ITGBL1: variants seen among roughly 807,000 people sequenced by gnomAD.
ITGBL1 encodes the protein integrin subunit beta like 1.
Under a neutral mutation model 68.5 loss-of-function variants are expected in ITGBL1, and 51 were observed. That is an observed-to-expected ratio of 0.74 (90% CI 0.59 to 0.94). The LOEUF (loss-of-function observed/expected upper bound fraction) is 0.94. Among genes scored for constraint, ITGBL1 ranks in the 40% least tolerant of loss-of-function variants. The pLI, the probability that ITGBL1 is intolerant of heterozygous loss-of-function variation, is 0.00. For missense variants in ITGBL1, 649 were observed against 647.4 expected, an observed-to-expected ratio of 1.00 and a Z score of -0.03; for synonymous variants, 209 against 227.3, an observed-to-expected ratio of 0.92 and a Z score of 0.72.
chr13:101,709,740 G>A (rs543856490), intron 9 of ITGBL1, among the ~76,000 whole-genome samples: 1 of 152,308 alleles, frequency 6.6e-6, no homozygotes, highest in East Asian at 1.9e-4. Flanking sequence ...GTGTTTGTGT[G>A]TTTACTACGC....
At chr13:101,644,108 G>A (rs1228607194) in intron 7 of ITGBL1, among the ~76,000 whole-genome samples, 1 of 152,086 alleles carries the variant, frequency 6.6e-6, no homozygotes, top group Non-Finnish European at 1.5e-5. Context: ...ATGCATGCTT[G>A]GCCCTCCCTG....
At chr13:101,575,401 T>C (rs1252541685) in intron 3 of ITGBL1, 23 bp from the exon 4 acceptor site, 4 of 1,605,168 alleles carry the variant, frequency 2.5e-6, no homozygotes, top group African/African-American at 1.3e-5. Flanking sequence ...TAACAAACAG[T>C]CTTTTTTGTT....
rs138649290 is a variant in ITGBL1 at position 101,507,097 on chromosome 13, C to T, written c.316+52997C>T. Among the ~76,000 whole-genome samples, 84 of 152,288 alleles carry T rather than the reference C, an allele frequency of 5.5e-4. 1 individual carries two copies. The East Asian group carries it at 0.013, about 24-fold the overall frequency. On this transcript the variant is annotated intron_variant, in intron 2 of 10. Transcript: ENST00000376180. ...ACATGTAGAGAAGATTCCTTCTCCA[C>T]GCCCCAGTAAAGTCTTCCCACATAA... is the stretch of plus-strand genomic sequence containing the variant.
chr13:101,611,295 C>T (rs2031115073), intron 7 of ITGBL1, among the ~76,000 whole-genome samples: 1 of 152,180 alleles, frequency 6.6e-6, no homozygotes, highest in East Asian at 1.9e-4. Flanking sequence ...TTTTATTTAA[C>T]TGAATTTAGC....
intron 2 of ITGBL1, among the ~76,000 whole-genome samples, chr13:101,480,111 A>T (rs918621171): frequency 6.6e-6 from 1 of 152,064 alleles, no homozygotes; most frequent in Non-Finnish European, 1.5e-5. Flanking sequence ...TGTGGTATCT[A>T]TACACAGTGG....
At chr13:101,583,398 G>A (rs375559795) in intron 6 of ITGBL1, 42 bp downstream of exon 6, 327 of 1,413,942 alleles carry the variant, frequency 2.3e-4, no homozygotes, top group Non-Finnish European at 2.9e-4. Flanking sequence ...AGGGGGAGGT[G>A]GGGCTTGTTA....
intron 7 of ITGBL1, among the ~76,000 whole-genome samples, chr13:101,599,821 G>A (rs2030240483): frequency 6.6e-6 from 1 of 152,174 alleles, no homozygotes; most frequent in Non-Finnish European, 1.5e-5. Flanking sequence ...CCAGTACCAT[G>A]CTGTTTTGGT....
At chr13:101,579,888 C>A (rs2050426044) in intron 5 of ITGBL1, among the ~76,000 whole-genome samples, 1 of 152,058 alleles carries the variant, frequency 6.6e-6, no homozygotes, top group African/African-American at 2.4e-5. Context: ...AATTTAACTT[C>A]CGTGTGCAAT....
At chr13:101,669,262 G>A (rs997373302) in intron 7 of ITGBL1, among the ~76,000 whole-genome samples, 3 of 152,054 alleles carry the variant, frequency 2.0e-5, no homozygotes, top group Non-Finnish European at 2.9e-5. Context: ...TGCAAAGAAG[G>A]TTATGAGGAA....
intron 2 of ITGBL1, among the ~76,000 whole-genome samples, chr13:101,520,407 C>T (rs953294840): frequency 1.3e-5 from 2 of 151,952 alleles, no homozygotes; most frequent in Admixed American, 6.6e-5. Context: ...GAGTTTCAGG[C>T]CCAGTTTTTT....
intron 7 of ITGBL1, among the ~76,000 whole-genome samples, chr13:101,637,581 G>A (rs1207984968): frequency 6.6e-6 from 1 of 152,104 alleles, no homozygotes; most frequent in Admixed American, 6.5e-5. Flanking sequence ...CTGATCTCCT[G>A]ATTCACCCGC....
At chr13:101,628,652 G>A (rs1420482600) in intron 7 of ITGBL1, among the ~76,000 whole-genome samples, 1 of 149,750 alleles carries the variant, frequency 6.7e-6, no homozygotes, top group Admixed American at 6.7e-5. Context: ...ATGTTGTCCA[G>A]GATGGTCTTG....
chr13:101,553,705 T>A (rs1277382934), intron 2 of ITGBL1, among the ~76,000 whole-genome samples: 3 of 151,880 alleles, frequency 2.0e-5, no homozygotes, highest in Non-Finnish European at 4.4e-5. Context: ...ACCCTTGGCT[T>A]GTAGACACAT....
chr13:101,461,689 T>C (rs1358832482), intron 2 of ITGBL1, among the ~76,000 whole-genome samples: 1 of 152,044 alleles, frequency 6.6e-6, no homozygotes, highest in Non-Finnish European at 1.5e-5. Context: ...AATTAGACCC[T>C]GTCTCAAAAA....
intron 5 of ITGBL1, among the ~76,000 whole-genome samples, chr13:101,581,257 C>T (rs145259765): frequency 5.9e-5 from 9 of 152,318 alleles, no homozygotes; most frequent in African/African-American, 2.2e-4. Context: ...GAAGCTGCTT[C>T]TTCGTCACAT....
chr13:101,498,883 G>C (rs1220495650), intron 2 of ITGBL1, among the ~76,000 whole-genome samples: 2 of 152,148 alleles, frequency 1.3e-5, no homozygotes, highest in Admixed American at 1.3e-4. Flanking sequence ...AGGCCTCGCA[G>C]TCATGGTGGA....
At chr13:101,692,268 G>T (rs2033897829) in intron 7 of ITGBL1, among the ~76,000 whole-genome samples, 1 of 152,072 alleles carries the variant, frequency 6.6e-6, no homozygotes. Context: ...GAATCATCAG[G>T]ATAAGTTGTA....
intron 5 of ITGBL1, among the ~76,000 whole-genome samples, chr13:101,580,795 G>A (rs192163291): frequency 6.6e-6 from 1 of 152,308 alleles, no homozygotes; most frequent in Admixed American, 6.5e-5. Context: ...GTGGATTAAG[G>A]TCAGGTTCTG....
intron 7 of ITGBL1, among the ~76,000 whole-genome samples, chr13:101,679,486 C>G (rs1045042139): frequency 6.6e-6 from 1 of 152,070 alleles, no homozygotes; most frequent in East Asian, 1.9e-4. Context: ...ATGGGTTTTG[C>G]CAGCTAGAAA....
Sources: allele counts gnomAD v4.1 joint callset (sites outside exome capture counted in the v4.1 genomes callset), GRCh38; gene constraint gnomAD v4.1.1; transcripts MANE v1.5; gene names NCBI Gene and HGNC (gene_info 2026-07-23, HGNC 2026-07-21).